FGF3: variants seen among roughly 807,000 people sequenced by gnomAD.
FGF3 encodes fibroblast growth factor 3.
Under a neutral mutation model 9.8 loss-of-function variants are expected in FGF3, and 7 were observed. That is an observed-to-expected ratio of 0.72 (90% CI 0.41 to 1.35). The LOEUF (loss-of-function observed/expected upper bound fraction) is 1.35. Among genes scored for constraint, FGF3 ranks in the 40% most tolerant of loss-of-function variants. The pLI, the probability that FGF3 is intolerant of heterozygous loss-of-function variation, is 0.01. For missense variants in FGF3, 390 were observed against 345.6 expected (o/e 1.13, Z -1.02); for synonymous variants, 173 against 157.2 (o/e 1.10, Z -0.75).
rs1856007279 is a variant in FGF3, at chr11:69,810,466, C to T, written c.559G>A (p.Asp187Asn). Residue 187 changes from aspartate (D) to asparagine (N), a missense_variant, in exon 3 of 3, where the codon GAC becomes AAC. Asp to Asn is a conservative substitution (Grantham distance 23, BLOSUM62 1). Transcript: ENST00000334134. The part of the protein sequence containing the change: ...LFLPRVLDHR[D>N]HEMVRQLQSG... ...TGTAGCTGCCGCACCATCTCGTGGT[C>T]CCTGTGGTCCAGCACGCGGGGCAGG... is the stretch of plus-strand genomic sequence containing the variant. 1.9e-6 allele frequency: 3 copies of T among 1,604,162 alleles called. No homozygotes were observed. Among genetic ancestry groups the T allele is most frequent in the Non-Finnish European group, 2.6e-6 (3 of 1,175,752 alleles).
intron 2 of FGF3, among the ~76,000 whole-genome samples, chr11:69,814,205 T>C (rs1212012659): frequency 6.6e-6 from 1 of 151,984 alleles, no homozygotes; most frequent in Non-Finnish European, 1.5e-5. Flanking sequence ...GGAGCAGTGA[T>C]CCAGGTGGGA....
At chr11:69,818,643 G>A (rs1554981362) in intron 1 of FGF3, 71 bp downstream of exon 1, 2 of 1,194,306 alleles carry the variant, frequency 1.7e-6, no homozygotes, top group African/African-American at 3.3e-5. Context: ...GGGCCCCGCA[G>A]CGCGCCTTCT....
At position 69,819,048 on chromosome 11, in the gene FGF3, ATGC is replaced by A; in HGVS notation, c.-118_-116del. On this transcript the variant is annotated 5_prime_UTR_variant, in exon 1 of 3. Coordinates refer to ENST00000334134, the MANE Select transcript of FGF3 (RefSeq NM_005247.4). ...TCGGAGCGGGATCCCGCGCCTGGAG[ATGC>A]TGACTCCGGCTTCGCGGGAAAGGTG... 1 of 563,348 alleles carries A rather than the reference ATGC, an allele frequency of 1.8e-6. No homozygotes were observed. Among genetic ancestry groups the A allele is most frequent in the East Asian group, 3.8e-5 (1 of 26,210 alleles). 34.9% of individuals were successfully genotyped at this position (563,348 alleles called of 1,614,324 possible). A position where few individuals can be genotyped will look rare whatever the true frequency, so the allele number is the denominator to read the frequency against.
chr11:69,816,199 G>A, intron 2 of FGF3, 121 bp downstream of exon 2: 1 of 822,380 alleles, frequency 1.2e-6, no homozygotes, highest in Non-Finnish European at 2.1e-6. Flanking sequence ...TCTGGTCCTA[G>A]CTTGGGTCCC....
chr11:69,817,014 C>A (rs1165954200), intron 1 of FGF3, among the ~76,000 whole-genome samples: 2 of 152,198 alleles, frequency 1.3e-5, no homozygotes, highest in African/African-American at 4.8e-5. Context: ...GCCGGGGGAC[C>A]TGGAAGGGCA....
rs1310468726 is a variant in FGF3 at position 69,810,240 on chromosome 11, T to A, written c.*65A>T. 3.5e-6 allele frequency: 5 copies of A among 1,418,698 alleles called. No individual in the cohort carries two copies. Among genetic ancestry groups the A allele is most frequent in the Non-Finnish European group, 2.8e-6 (3 of 1,057,554 alleles). The allele number at this position is 1,418,698 out of a possible 1,614,324, so 87.9% of individuals were successfully genotyped here. ...AGGGGCAAGGGCTCAAGGAGGAGAG[T>A]CAGAGTCAAGAGGCTGCCACGCCAA... On this transcript the variant is annotated 3_prime_UTR_variant, in exon 3 of 3. Coordinates refer to ENST00000334134, the MANE Select transcript of FGF3 (RefSeq NM_005247.4).
Position 69,818,745 on chromosome 11 carries a change from G to T in FGF3, c.189C>A (p.Arg63=), listed in dbSNP as rs1856186365. 4 of 1,494,192 alleles carry T rather than the reference G, an allele frequency of 2.7e-6. No homozygotes were observed. The highest frequency in any genetic ancestry group is 1.5e-5 in the African/African-American group (1 of 68,746). The allele number at this position is 1,494,192 out of a possible 1,614,324, so 92.6% of individuals were successfully genotyped here. A position where few individuals can be genotyped will look rare whatever the true frequency, so the allele number is the denominator to read the frequency against. Residue 63 remains arginine, a synonymous_variant, in exon 1 of 3, where the codon CGC becomes CGA. Transcript: ENST00000334134. ...CGCTGTTCTCCAGGCTGCCGTTGAC[G>T]CGGCCGCTCGGGTGCAGCTGGAGGT... ...KYHLQLHPSG[R]VNGSLENSAY... is the part of the protein sequence containing the mutation.
chr11:69,810,410 C>G lies in FGF3; in HGVS notation c.615G>C (p.Gly205=). 1 of 1,571,394 alleles carries G rather than the reference C, an allele frequency of 6.4e-7. No homozygotes were observed. The highest frequency in any genetic ancestry group is 1.1e-5 in the South Asian group (1 of 87,282). Reference sequence around the variant, plus strand: ...TCTGCCGCCGCCGTCGGGGCTGGACCCCCTTACCAGGGGGTCTGGGCAGCC... The same window carrying G: ...TCTGCCGCCGCCGTCGGGGCTGGACGCCCTTACCAGGGGGTCTGGGCAGCC... The part of the protein sequence containing the change: ...QSGLPRPPGK[G]VQPRRRRQKQ... Residue 205 remains glycine, a synonymous_variant, in exon 3 of 3, where the codon GGG becomes GGC. Coordinates refer to ENST00000334134, the MANE Select transcript of FGF3 (RefSeq NM_005247.4).
chr11:69,810,724 C>T lies in FGF3; in HGVS notation c.325-24G>A, dbSNP rs781900807. 1.2e-5 allele frequency: 19 copies of T among 1,556,470 alleles called. No homozygotes were observed. The African/African-American group carries it at 1.8e-4, about 14-fold the overall frequency. ...TCCTGCGGGGATGAGATATCATGGTCAGTGCCCCGGGGAGACTGTGGCAGC... is the reference window on the plus strand; with the variant it reads ...TCCTGCGGGGATGAGATATCATGGTTAGTGCCCCGGGGAGACTGTGGCAGC... On this transcript the variant is annotated intron_variant, in intron 2 of 2. Coordinates refer to ENST00000334134, the MANE Select transcript of FGF3 (RefSeq NM_005247.4).
rs1554981473 is a variant in FGF3, at chr11:69,818,958, C to T, written c.-25G>A. On this transcript the variant is annotated 5_prime_UTR_variant, in exon 1 of 3. Transcript: ENST00000334134. The stretch of plus-strand genomic sequence containing the variant: ...TCGTGGCATCGCGCCCGCCCCGCGG[C>T]GGCGGCGGCTGCAGGCGAGCGCGGC... 3 of 1,433,060 alleles carry T rather than the reference C, an allele frequency of 2.1e-6. No individual in the cohort carries two copies. Among genetic ancestry groups the T allele is most frequent in the Non-Finnish European group, 2.8e-6 (3 of 1,089,516 alleles). The allele number at this position is 1,433,060 out of a possible 1,614,324, so 88.8% of individuals were successfully genotyped here.
rs782813347 is a variant in FGF3, at chr11:69,818,875, C to T, written c.59G>A (p.Gly20Asp). ...ATCGCGCCGCAACCGCGCCCCAGGG[C>T]CCGCTGCGGGCCAGCCGGGCTCCAG... ...SLLEPGWPAA[G>D]PGARLRRDAG... The change falls in exon 1 of 3, where the codon GGC becomes GAC. Residue 20 changes from glycine to aspartate, a missense_variant. By Grantham distance (94) the Gly-to-Asp change is moderately conservative. Coordinates refer to ENST00000334134, the MANE Select transcript of FGF3 (RefSeq NM_005247.4). 120 of 1,463,610 alleles carry T rather than the reference C, an allele frequency of 8.2e-5. No individual in the cohort carries two copies. Among genetic ancestry groups the T allele is most frequent in the East Asian group, 3.0e-5 (1 of 33,758 alleles). 90.7% of individuals were successfully genotyped at this position (1,463,610 alleles called of 1,614,324 possible). A position where few individuals can be genotyped will look rare whatever the true frequency, so the allele number is the denominator to read the frequency against.
chr11:69,810,582 C>G lies in FGF3; in HGVS notation c.443G>C (p.Ser148Thr). Residue 148 changes from serine (S) to threonine (T), a missense_variant, in exon 3 of 3, where the codon AGC becomes ACC. By Grantham distance (58) the Ser-to-Thr change is moderately conservative. Transcript: ENST00000334134. Reference sequence around the variant, plus strand: ...AGACACGTACCACAGTCTCTCGGCGCTGGGCTGCCGGCGGGCCCCAGGCGT... The same window carrying G: ...AGACACGTACCACAGTCTCTCGGCGGTGGGCTGCCGGCGGGCCCCAGGCGT... ...SSTPGARRQP[S>T]AERLWYVSVN... 1 of 1,611,726 alleles carries G rather than the reference C, an allele frequency of 6.2e-7. No individual in the cohort carries two copies. The highest frequency in any genetic ancestry group is 1.3e-5 in the African/African-American group (1 of 75,048).
At position 69,819,032 on chromosome 11, in the gene FGF3, G is replaced by T. The variant is rs2119941637; in HGVS notation, c.-99C>A. ...GACAGCTGCGAGGTGCTCGGAGCGG[G>T]ATCCCGCGCCTGGAGATGCTGACTC... On this transcript the variant is annotated 5_prime_UTR_variant, in exon 1 of 3. Transcript: ENST00000334134. 2.7e-6 allele frequency: 2 copies of T among 747,116 alleles called. No homozygotes were observed. The highest frequency in any genetic ancestry group is 3.4e-5 in the East Asian group (1 of 29,506). The allele number at this position is 747,116 out of a possible 1,614,324, so 46.3% of individuals were successfully genotyped here. A position where few individuals can be genotyped will look rare whatever the true frequency, so the allele number is the denominator to read the frequency against.
rs377265856 is a variant in FGF3 at position 69,810,390 on chromosome 11, C to T, written c.635G>A (p.Arg212Gln). The T allele has an allele frequency of 1.5e-5, 24 of 1,557,258 alleles. No individual in the cohort carries two copies. The African/African-American group carries it at 2.6e-4, about 17-fold the overall frequency. Residue 212 changes from arginine (R) to glutamine (Q), a missense_variant, in exon 3 of 3, where the codon CGG becomes CAG. Transcript: ENST00000334134. ...CAGGTTATCCGGGCTCTGCTTCTGCCGCCGCCGTCGGGGCTGGACCCCCTT... is the reference window on the plus strand; with the variant it reads ...CAGGTTATCCGGGCTCTGCTTCTGCTGCCGCCGTCGGGGCTGGACCCCCTT... ...PGKGVQPRRR[R>Q]QKQSPDNLEP...
Position 69,810,230 on chromosome 11 carries a change from A to T in FGF3, c.*75T>A, listed in dbSNP as rs1239681915. Reference sequence around the variant, plus strand: ...CGCGGGACGCAGGGGCAAGGGCTCAAGGAGGAGAGTCAGAGTCAAGAGGCT... The same window carrying T: ...CGCGGGACGCAGGGGCAAGGGCTCATGGAGGAGAGTCAGAGTCAAGAGGCT... On this transcript the variant is annotated 3_prime_UTR_variant, in exon 3 of 3. Coordinates refer to ENST00000334134, the MANE Select transcript of FGF3 (RefSeq NM_005247.4). 48 of 1,369,754 alleles carry T rather than the reference A, an allele frequency of 3.5e-5. No individual in the cohort carries two copies. The highest frequency in any genetic ancestry group is 4.5e-5 in the Non-Finnish European group (46 of 1,017,454). The allele number at this position is 1,369,754 out of a possible 1,614,324, so 84.9% of individuals were successfully genotyped here. A position where few individuals can be genotyped will look rare whatever the true frequency, so the allele number is the denominator to read the frequency against.
chr11:69,810,265 A>G lies in FGF3; in HGVS notation c.*40T>C. 6.6e-7 allele frequency: 1 copy of G among 1,515,220 alleles called. No homozygotes were observed. Among genetic ancestry groups the G allele is most frequent in the Non-Finnish European group, 8.9e-7 (1 of 1,124,514 alleles). The allele number at this position is 1,515,220 out of a possible 1,614,324, so 93.9% of individuals were successfully genotyped here. On this transcript the variant is annotated 3_prime_UTR_variant, in exon 3 of 3. Transcript: ENST00000334134. Reference sequence around the variant, plus strand: ...TCAGAGTCAAGAGGCTGCCACGCCAAGATGTCGCCAGGAGCTCTGGCGGTG... The same window carrying G: ...TCAGAGTCAAGAGGCTGCCACGCCAGGATGTCGCCAGGAGCTCTGGCGGTG...
chr11:69,809,998 A>G lies in FGF3; in HGVS notation c.*307T>C, dbSNP rs1477425013. The G allele has an allele frequency of 5.2e-6, 2 of 385,728 alleles. No homozygotes were observed. Among genetic ancestry groups the G allele is most frequent in the Non-Finnish European group, 9.3e-6 (2 of 216,148 alleles). The allele number at this position is 385,728 out of a possible 1,614,324, so 23.9% of individuals were successfully genotyped here. A position where few individuals can be genotyped will look rare whatever the true frequency, so the allele number is the denominator to read the frequency against. ...TAAAATACTTTAATGTTGTGATGAC[A>G]CAAAGCCCCACACTGCCCCGCTGCT... On this transcript the variant is annotated 3_prime_UTR_variant, in exon 3 of 3. Transcript: ENST00000334134.
chr11:69,812,303 C>T (rs1238383130), intron 2 of FGF3, among the ~76,000 whole-genome samples: 3 of 152,050 alleles, frequency 2.0e-5, no homozygotes, highest in African/African-American at 4.8e-5. Flanking sequence ...CATCTGACCT[C>T]GCAGGACCTC....
chr11:69,815,875 A>C (rs1590964395), intron 2 of FGF3, among the ~76,000 whole-genome samples: 1 of 151,570 alleles, frequency 6.6e-6, no homozygotes, highest in South Asian at 2.1e-4. Context: ...TCGCCTTTCC[A>C]CCCTTGGAGA....
Sources: allele counts gnomAD v4.1 joint callset (sites outside exome capture counted in the v4.1 genomes callset), GRCh38; gene constraint gnomAD v4.1.1; transcripts MANE v1.5; gene names NCBI Gene and HGNC (gene_info 2026-07-23, HGNC 2026-07-21).